CD1B: variants seen among roughly 807,000 people sequenced by gnomAD.
The protein encoded by CD1B is T-cell surface glycoprotein CD1b.
Under a neutral mutation model 39.8 loss-of-function variants are expected in CD1B, and 43 were observed. That is an observed-to-expected ratio of 1.08 (90% CI 0.85 to 1.39). The LOEUF (loss-of-function observed/expected upper bound fraction) is 1.39. Ranked by LOEUF, CD1B falls within the 40% of genes most tolerant of loss-of-function variation. The pLI is 0.00. For synonymous variants in CD1B, 192 were observed against 152.5 expected (o/e 1.26, Z -1.91); for missense variants, 495 against 403.8 (o/e 1.23, Z -1.94).
the CD1B span, among the ~76,000 whole-genome samples, chr1:158,298,074 A>T: frequency 6.6e-6 from 1 of 152,244 alleles, no homozygotes; most frequent in Non-Finnish European, 1.5e-5. Context: ...ACAGGAAAGA[A>T]AAAAGAGCAG....
chr1:158,293,287 G>T, the CD1B span: 2 of 1,613,668 alleles, frequency 1.2e-6, no homozygotes, highest in Non-Finnish European at 1.7e-6. Flanking sequence ...CTTGTGTTAT[G>T]GTTTAAGAAG....
the CD1B span, among the ~76,000 whole-genome samples, chr1:158,319,534 C>T: frequency 6.6e-6 from 1 of 152,336 alleles, no homozygotes; most frequent in South Asian, 2.1e-4. Context: ...AAGCACTTCT[C>T]TGTGTTGGTT....
chr1:158,298,145 T>C, the CD1B span, among the ~76,000 whole-genome samples: 1 of 152,120 alleles, frequency 6.6e-6, no homozygotes, highest in South Asian at 2.1e-4. Flanking sequence ...AAAAAGGACA[T>C]AGAAAAACAT....
At chr1:158,309,662 T>A in the CD1B span, among the ~76,000 whole-genome samples, 1,234 of 152,084 alleles carry the variant, frequency 8.1e-3, 16 homozygotes, top group Middle Eastern at 0.02. Context: ...TAAAAAATGA[T>A]GAGTTCATGT....
At chr1:158,304,637 C>T in the CD1B span, among the ~76,000 whole-genome samples, 1 of 152,190 alleles carries the variant, frequency 6.6e-6, no homozygotes. Context: ...GACAGAGTGA[C>T]TCCTCAAGTG....
At chr1:158,293,671 C>A in the CD1B span, 1 of 1,295,036 alleles carries the variant, frequency 7.7e-7, no homozygotes. Context: ...AGCACTCAAC[C>A]TTCAAAGCCC....
chr1:158,328,228 A>G lies in CD1B; in HGVS notation c.*8T>C. 1.2e-6 allele frequency: 2 copies of G among 1,610,826 alleles called. No homozygotes were observed. The highest frequency in any genetic ancestry group is 8.5e-7 in the Non-Finnish European group (1 of 1,177,332). On this transcript the variant is annotated 3_prime_UTR_variant, in exon 6 of 6. Coordinates refer to ENST00000368168, the MANE Select transcript of CD1B (RefSeq NM_001764.3). Reference sequence around the variant, plus strand: ...TATTGCGAATGGGAGAGGAGACATGATGATGGCTCATGGGATATTCTGATA... The same window carrying G: ...TATTGCGAATGGGAGAGGAGACATGGTGATGGCTCATGGGATATTCTGATA...
the CD1B span, among the ~76,000 whole-genome samples, chr1:158,312,251 C>T: frequency 6.6e-6 from 1 of 152,090 alleles, no homozygotes; most frequent in East Asian, 1.9e-4. Flanking sequence ...CAAGTCTTTC[C>T]TGTGCTGTTC....
At chr1:158,318,332 T>C in the CD1B span, among the ~76,000 whole-genome samples, 2 of 152,246 alleles carry the variant, frequency 1.3e-5, no homozygotes, top group Admixed American at 6.5e-5. Context: ...ACTTGCTTTA[T>C]GGATCTGGGT....
chr1:158,317,334 T>A, the CD1B span, among the ~76,000 whole-genome samples: 1 of 152,240 alleles, frequency 6.6e-6, no homozygotes, highest in Non-Finnish European at 1.5e-5. Flanking sequence ...TTGCCACAAT[T>A]TCATATCCTG....
the CD1B span, among the ~76,000 whole-genome samples, chr1:158,314,570 T>C: frequency 2.0e-4 from 31 of 152,308 alleles, no homozygotes; most frequent in Non-Finnish European, 4.1e-4. Flanking sequence ...TTCTACTTTT[T>C]AAATGTAAGC....
the CD1B span, among the ~76,000 whole-genome samples, chr1:158,294,446 T>C: frequency 6.6e-6 from 1 of 152,362 alleles, no homozygotes; most frequent in Non-Finnish European, 1.5e-5. Context: ...TTGCAATGTT[T>C]GCTTCCTCAA....
the CD1B span, among the ~76,000 whole-genome samples, chr1:158,317,457 T>G: frequency 6.6e-6 from 1 of 152,064 alleles, no homozygotes; most frequent in East Asian, 1.9e-4. Flanking sequence ...CGTAGAGGTG[T>G]TTGTAGTATT....
the CD1B span, chr1:158,293,303 G>T: frequency 2.5e-6 from 4 of 1,613,022 alleles, no homozygotes; most frequent in South Asian, 3.3e-5. Flanking sequence ...AGAAGCACTG[G>T]TGAGTTTTTT....
chr1:158,286,032 C>T, the CD1B span, among the ~76,000 whole-genome samples: 1 of 151,880 alleles, frequency 6.6e-6, no homozygotes, highest in Non-Finnish European at 1.5e-5. Context: ...CTCTCTCTCT[C>T]GGGGTGCAAA....
the CD1B span, among the ~76,000 whole-genome samples, chr1:158,316,982 C>A: frequency 3.3e-5 from 5 of 151,318 alleles, no homozygotes; most frequent in South Asian, 1.0e-3. Context: ...GTATATTGAA[C>A]CAGCCTTGCA....
At chr1:158,288,577 G>C in the CD1B span, among the ~76,000 whole-genome samples, 177 of 152,070 alleles carry the variant, frequency 1.2e-3, no homozygotes, top group Non-Finnish European at 2.1e-3. Flanking sequence ...TTTTTTTATC[G>C]AGATGAGGTC....
chr1:158,328,893 A>G (rs748068425), intron 5 of CD1B, 28 bp downstream of exon 5: 2 of 1,519,928 alleles, frequency 1.3e-6, no homozygotes, highest in Non-Finnish European at 1.8e-6. Flanking sequence ...ACATATTAAA[A>G]AAAAAAACAA....
Position 158,330,145 on chromosome 1 carries a change from AAG to A in CD1B, c.329-17_329-16del. 2 of 1,573,224 alleles carry A rather than the reference AAG, an allele frequency of 1.3e-6. No homozygotes were observed. Among genetic ancestry groups the A allele is most frequent in the Non-Finnish European group, 1.7e-6 (2 of 1,164,702 alleles). ...CTCAAAGGGGTCTATGTAGAGGGAA[AAG>A]AGAGCAAGTTATTAAACACAAATAA... On this transcript the variant is annotated splice_polypyrimidine_tract_variant and intron_variant, in intron 2 of 5. Transcript: ENST00000368168.
Sources: allele counts gnomAD v4.1 joint callset (sites outside exome capture counted in the v4.1 genomes callset), GRCh38; gene constraint gnomAD v4.1.1; transcripts MANE v1.5; gene names NCBI Gene and HGNC (gene_info 2026-07-23, HGNC 2026-07-21).